The following YME1L1 variants were observed in gnomAD, a reference collection of about 807,000 sequenced individuals.
YME1L1 encodes the protein YME1 like 1 ATPase, also known as ATP-dependent zinc metalloprotease YME1L1.
In YME1L1, 39 loss-of-function variants were observed where a neutral mutation model predicts 90.4. That is an observed-to-expected ratio of 0.43 (90% CI 0.33 to 0.56). YME1L1 has a LOEUF of 0.56. YME1L1 is among the 20% of genes least tolerant of loss of function. The pLI is 0.03. For missense variants in YME1L1, 617 were observed against 868.4 expected (o/e 0.71, Z 3.64); for synonymous variants, 284 against 287.3 (o/e 0.99, Z 0.12).
chr10:27,135,223 C>T (rs1381733087), intron 5 of YME1L1, among the ~76,000 whole-genome samples: 1 of 152,178 alleles, frequency 6.6e-6, no homozygotes. Context: ...GAACACTACA[C>T]TGAAAACAGG....
intron 11 of YME1L1, among the ~76,000 whole-genome samples, chr10:27,122,109 A>T (rs955232522): frequency 2.6e-5 from 4 of 152,070 alleles, no homozygotes; most frequent in Non-Finnish European, 5.9e-5. Flanking sequence ...GGCCTCAAGC[A>T]ATCCTCCCAC....
Position 27,123,608 on chromosome 10 carries a change from A to G in YME1L1, c.1041T>C (p.Ser347=). 1 of 1,614,024 alleles carries G rather than the reference A, an allele frequency of 6.2e-7. No individual in the cohort carries two copies. Among genetic ancestry groups the G allele is most frequent in the Non-Finnish European group, 8.5e-7 (1 of 1,179,936 alleles). The change falls in exon 10 of 19, where the codon TCT becomes TCC. Residue 347 remains serine (S), a synonymous_variant. Coordinates refer to ENST00000376016, the MANE Select transcript of YME1L1 (RefSeq NM_014263.4). ...CAAACATCTCATCAAATTCGGATCC[A>G]GAAGCATAATAAAAAGGAACATCAG... ...GEADVPFYYA[S]GSEFDEMFVG... is the part of the protein sequence containing the mutation.
At chr10:27,137,038 A>AC (rs1290644161) in intron 4 of YME1L1, among the ~76,000 whole-genome samples, 1 of 150,458 alleles carries the variant, frequency 6.6e-6, no homozygotes, top group Admixed American at 6.6e-5. Context: ...AAAAAAAAAA[A>AC]CCCAACCAAG....
In YME1L1 at chr10:27,131,855, T is replaced by C. The variant is rs1394485978; in HGVS notation, c.858+4A>G. Reference sequence around the variant, plus strand: ...AAGAAGGCAAGGCAATCTTCTTAACTTACCCCTTTAACATGTTCAAAGGTG... The same window carrying C: ...AAGAAGGCAAGGCAATCTTCTTAACCTACCCCTTTAACATGTTCAAAGGTG... On this transcript the variant is annotated splice_donor_region_variant and intron_variant, in intron 8 of 18. Transcript: ENST00000376016. 6.2e-7 allele frequency: 1 copy of C among 1,606,174 alleles called. No individual in the cohort carries two copies. The highest frequency in any genetic ancestry group is 8.5e-7 in the Non-Finnish European group (1 of 1,176,848).
At chr10:27,129,789 G>A (rs1198279227) in intron 8 of YME1L1, among the ~76,000 whole-genome samples, 1 of 151,402 alleles carries the variant, frequency 6.6e-6, no homozygotes, top group African/African-American at 2.4e-5. Flanking sequence ...AATTTCAAGT[G>A]AGCACAACAG....
chr10:27,147,452 A>G (rs200518816), intron 2 of YME1L1: 19 of 1,614,238 alleles, frequency 1.2e-5, no homozygotes, highest in Admixed American at 6.7e-5. Flanking sequence ...AACGATGGAC[A>G]AAACAAATCA....
At chr10:27,115,599 G>A (rs1244346983) in intron 17 of YME1L1, among the ~76,000 whole-genome samples, 1 of 152,112 alleles carries the variant, frequency 6.6e-6, no homozygotes, top group African/African-American at 2.4e-5. Context: ...ACAGATGTGA[G>A]CCACAGTGCC....
intron 1 of YME1L1, chr10:27,153,321 T>C (rs1372255852): frequency 2.2e-6 from 1 of 462,530 alleles, no homozygotes; most frequent in African/African-American, 2.0e-5. Flanking sequence ...TGAGGGGGAG[T>C]AAAAGTTACA....
chr10:27,113,450 C>T (rs560113980), intron 18 of YME1L1, among the ~76,000 whole-genome samples: 2 of 151,420 alleles, frequency 1.3e-5, no homozygotes, highest in South Asian at 2.1e-4. Context: ...GTGGGTGGAT[C>T]GCCTGAGGTC....
chr10:27,112,705 C>G (rs1033311977), intron 18 of YME1L1, among the ~76,000 whole-genome samples: 1 of 151,876 alleles, frequency 6.6e-6, no homozygotes, highest in Admixed American at 6.6e-5. Flanking sequence ...CTCTGTCACT[C>G]TCTCTCTCTC....
intron 9 of YME1L1, among the ~76,000 whole-genome samples, chr10:27,125,661 A>G (rs2056911233): frequency 9.4e-6 from 1 of 106,044 alleles, no homozygotes; most frequent in South Asian, 3.4e-4. Context: ...TTTTTTTGAG[A>G]CAGAATCTTG....
At chr10:27,145,247 A>G (rs752877238) in intron 3 of YME1L1, among the ~76,000 whole-genome samples, 181 bp downstream of exon 3, 4 of 152,090 alleles carry the variant, frequency 2.6e-5, no homozygotes, top group Non-Finnish European at 2.9e-5. Context: ...CTATCTTTGC[A>G]ACTTTCCTGT....
intron 11 of YME1L1, among the ~76,000 whole-genome samples, chr10:27,121,696 T>C (rs891487013): frequency 1.3e-5 from 2 of 152,026 alleles, no homozygotes; most frequent in Admixed American, 1.3e-4. Context: ...GACTAATTTA[T>C]TTTTTATTTA....
chr10:27,136,191 C>T, intron 5 of YME1L1, 85 bp downstream of exon 5: 1 of 1,092,748 alleles, frequency 9.2e-7, no homozygotes, highest in East Asian at 2.4e-5. Flanking sequence ...TATCTATCAG[C>T]CAACAAAAGA....
At chr10:27,137,103 CATA>C (rs1009931586) in intron 4 of YME1L1, among the ~76,000 whole-genome samples, 17 of 150,396 alleles carry the variant, frequency 1.1e-4, no homozygotes, top group Admixed American at 4.6e-4. Flanking sequence ...TTGGTAATTA[CATA>C]ATGTTTTTGA....
In YME1L1 at chr10:27,125,471, A is replaced by AAC. The variant is rs1554804628; in HGVS notation, c.949+1224_949+1225insGT. On this transcript the variant is annotated intron_variant, in intron 9 of 18. Transcript: ENST00000376016. ...ATTGTTTCATTTGAAAAAAAAAAAA[A>AAC]AAAAAACAATAAAAGCCTAAATGTT... Among the ~76,000 whole-genome samples the AAC allele has an allele frequency of 1.4e-3, 216 of 150,830 alleles. 3 individuals are homozygous for AAC. Among genetic ancestry groups the AAC allele is most frequent in the African/African-American group, 5.1e-3 (209 of 41,154 alleles).
chr10:27,116,221 G>A lies in YME1L1; in HGVS notation c.1844C>T (p.Thr615Ile). 1.2e-6 allele frequency: 2 copies of A among 1,614,078 alleles called. No homozygotes were observed. Among genetic ancestry groups the A allele is most frequent in the Non-Finnish European group, 1.7e-6 (2 of 1,180,016 alleles). ...ELIFGTDHIT[T>I]GASSDFDNAT... ...TAAAGCCATTCTTTAAAGCTAACCTGTTGTAATATGGTCGGTTCCAAATAT... is the reference window on the plus strand; with the variant it reads ...TAAAGCCATTCTTTAAAGCTAACCTATTGTAATATGGTCGGTTCCAAATAT... Residue 615 changes from threonine (T) to isoleucine (I), a missense_variant and splice_region_variant, in exon 16 of 19, where the codon ACA (threonine) becomes ATA (isoleucine). Physicochemically the swap from Thr to Ile is moderately conservative, Grantham distance 89 (BLOSUM62 -1). This residue lies in a region of YME1L1 where 212 missense variants were observed against 330.0 expected (regional missense o/e 0.64). Transcript: ENST00000376016.
chr10:27,149,380 G>C (rs574663725), intron 1 of YME1L1, among the ~76,000 whole-genome samples: 1 of 152,126 alleles, frequency 6.6e-6, no homozygotes, highest in Non-Finnish European at 1.5e-5. Flanking sequence ...ATAGTAGAAA[G>C]CTGGAAACAT....
At chr10:27,116,908 T>C (rs1057046007) in intron 15 of YME1L1, among the ~76,000 whole-genome samples, 58 of 151,986 alleles carry the variant, frequency 3.8e-4, no homozygotes, top group African/African-American at 1.4e-3. Flanking sequence ...ACAGTTCTGA[T>C]ATAGTTACAT....
Sources: allele counts gnomAD v4.1 joint callset (sites outside exome capture counted in the v4.1 genomes callset), GRCh38; gene constraint gnomAD v4.1.1; regional missense constraint gnomAD v4.1.1; transcripts MANE v1.5; gene names NCBI Gene and HGNC (gene_info 2026-07-23, HGNC 2026-07-21).